Variants in CTNNA3 observed in about 807,000 individuals in gnomAD.
CTNNA3 encodes the protein catenin alpha-3.
CTNNA3 carries 76 observed loss-of-function variants against 95.7 expected under a neutral mutation model. That is an observed-to-expected ratio of 0.79 (90% CI 0.66 to 0.96). CTNNA3 has a LOEUF of 0.96. CTNNA3 is among the 40% of genes least tolerant of loss of function. The pLI is 0.00. For missense variants in CTNNA3, 1,191 were observed against 1,089.8 expected (o/e 1.09, Z -1.31); for synonymous variants, 431 against 374.4 (o/e 1.15, Z -1.74).
chr10:66,769,231 T>C (rs549078656), intron 8 of CTNNA3, among the ~76,000 whole-genome samples: 2 of 152,354 alleles, frequency 1.3e-5, no homozygotes, highest in African/African-American at 2.4e-5. Flanking sequence ...ACTTTTGTCA[T>C]CTTTTCGTCC....
chr10:66,420,830 TAAATAAATA>T (rs879294500), intron 11 of CTNNA3, among the ~76,000 whole-genome samples: 3,293 of 81,154 alleles, frequency 0.041, 115 homozygotes, highest in African/African-American at 0.12. Flanking sequence ...AATAAATAAA[TAAATAAATA>T]AAAAACAATA....
At chr10:66,744,977 A>G (rs4433471) in intron 9 of CTNNA3, among the ~76,000 whole-genome samples, 1 of 152,052 alleles carries the variant, frequency 6.6e-6, no homozygotes, top group African/African-American at 2.4e-5. Context: ...TGTTTTAACT[A>G]CACTAACACA....
chr10:65,921,609 G>A (rs565871891), intron 17 of CTNNA3, among the ~76,000 whole-genome samples: 36 of 152,314 alleles, frequency 2.4e-4, no homozygotes, highest in Non-Finnish European at 4.6e-4. Flanking sequence ...ACTTCCACTG[G>A]TGTGGATCTC....
intron 9 of CTNNA3, among the ~76,000 whole-genome samples, chr10:66,644,857 A>G (rs1201366183): frequency 6.6e-6 from 1 of 152,106 alleles, no homozygotes; most frequent in East Asian, 1.9e-4. Context: ...CCCACACCAC[A>G]AGAGTATTCA....
intron 9 of CTNNA3, among the ~76,000 whole-genome samples, chr10:66,705,213 G>C (rs139947562): frequency 3.3e-5 from 5 of 151,868 alleles, no homozygotes; most frequent in African/African-American, 1.2e-4. Context: ...AGGATAAATC[G>C]TATTTCATTA....
intron 7 of CTNNA3, among the ~76,000 whole-genome samples, chr10:67,071,112 T>C (rs1325689584): frequency 6.6e-6 from 1 of 152,202 alleles, no homozygotes; most frequent in African/African-American, 2.4e-5. Context: ...TCTGTATGTA[T>C]TTTAAATTTC....
chr10:66,484,833 A>C (rs1250493398), intron 11 of CTNNA3, among the ~76,000 whole-genome samples: 1 of 152,094 alleles, frequency 6.6e-6, no homozygotes, highest in Non-Finnish European at 1.5e-5. Flanking sequence ...AATCCTCAAC[A>C]AAATACTAGT....
chr10:67,205,534 G>A (rs1050966663), intron 6 of CTNNA3, among the ~76,000 whole-genome samples: 12 of 152,020 alleles, frequency 7.9e-5, no homozygotes, highest in Non-Finnish European at 1.6e-4. Context: ...ATCCTTCAAG[G>A]CCTAGCTCAA....
At chr10:67,146,847 C>A (rs900416272) in intron 7 of CTNNA3, among the ~76,000 whole-genome samples, 1 of 152,108 alleles carries the variant, frequency 6.6e-6, no homozygotes, top group African/African-American at 2.4e-5. Context: ...ATTATAATAA[C>A]ATTTTTACTG....
chr10:66,672,518 G>C (rs1221226194), intron 9 of CTNNA3, among the ~76,000 whole-genome samples: 3 of 151,976 alleles, frequency 2.0e-5, no homozygotes, highest in African/African-American at 4.8e-5. Flanking sequence ...ATGCTTTGGG[G>C]GTTATGTATC....
intron 8 of CTNNA3, among the ~76,000 whole-genome samples, chr10:66,772,999 G>T (rs1035666760): frequency 6.6e-6 from 1 of 152,224 alleles, no homozygotes; most frequent in Non-Finnish European, 1.5e-5. Flanking sequence ...TATGTGAGAT[G>T]CTTACAACAA....
At chr10:67,153,136 C>T (rs1287842713) in intron 7 of CTNNA3, among the ~76,000 whole-genome samples, 4 of 152,084 alleles carry the variant, frequency 2.6e-5, no homozygotes, top group Non-Finnish European at 5.9e-5. Flanking sequence ...CCACCACACC[C>T]AGCTAATTTT....
intron 9 of CTNNA3, among the ~76,000 whole-genome samples, chr10:66,759,432 GTTGTTGTCCACA>G (rs1176743911): frequency 1.3e-5 from 2 of 152,088 alleles, no homozygotes; most frequent in African/African-American, 4.8e-5. Context: ...AATAAATCAC[GTTGTTGTCCACA>G]TTTCAAGATT....
At position 66,256,362 on chromosome 10, in the gene CTNNA3, T is replaced by C. The variant is rs117147211; in HGVS notation, c.1884+24108A>G. Among the ~76,000 whole-genome samples the C allele has an allele frequency of 2.7e-3, 407 of 152,196 alleles. 2 individuals carry two copies. The highest frequency in any genetic ancestry group is 5.5e-3 in the Admixed American group (84 of 15,276). Reference sequence around the variant, plus strand: ...AAAAATTAGAGGAAGACCCACAAACTCCTTTTCCTACTTTATTAAATGCAG... The same window carrying C: ...AAAAATTAGAGGAAGACCCACAAACCCCTTTTCCTACTTTATTAAATGCAG... On this transcript the variant is annotated intron_variant, in intron 13 of 17. Transcript: ENST00000433211.
intron 11 of CTNNA3, among the ~76,000 whole-genome samples, chr10:66,432,000 C>T (rs1315144814): frequency 6.6e-6 from 1 of 151,070 alleles, no homozygotes; most frequent in Non-Finnish European, 1.5e-5. Context: ...AAAACTAGTA[C>T]AATATTAAAT....
intron 15 of CTNNA3, among the ~76,000 whole-genome samples, chr10:66,012,899 A>G (rs1263836794): frequency 6.6e-6 from 1 of 152,190 alleles, no homozygotes; most frequent in Non-Finnish European, 1.5e-5. Context: ...GGAACAACAC[A>G]GAATCCACTG....
chr10:66,691,510 T>TA (rs925477085), intron 9 of CTNNA3, among the ~76,000 whole-genome samples: 7 of 152,160 alleles, frequency 4.6e-5, no homozygotes, highest in African/African-American at 1.7e-4. Context: ...CCTGCCTCTG[T>TA]AGGCTCCACC....
chr10:66,658,392 A>G (rs1440093958), intron 9 of CTNNA3, among the ~76,000 whole-genome samples: 1 of 152,212 alleles, frequency 6.6e-6, no homozygotes, highest in African/African-American at 2.4e-5. Flanking sequence ...ATAAATAAAA[A>G]TTTAAGTGAT....
rs572103162 is a variant in CTNNA3, at chr10:66,422,628, A to G, written c.1532-43276T>C. On this transcript the variant is annotated intron_variant, in intron 11 of 17. Transcript: ENST00000433211. The stretch of plus-strand genomic sequence containing the variant: ...ACCCCCTCTTCTGGCATGCAACTGT[A>G]GGATGAATTGGTTCTAGAGAAATGC... Among the ~76,000 whole-genome samples, 8 of 152,266 alleles carry G rather than the reference A, an allele frequency of 5.3e-5. No homozygotes were observed. In the South Asian group the frequency reaches 1.7e-3, roughly 32 times the overall value.
Sources: allele counts gnomAD v4.1 joint callset (sites outside exome capture counted in the v4.1 genomes callset), GRCh38; gene constraint gnomAD v4.1.1; transcripts MANE v1.5; gene names NCBI Gene and HGNC (gene_info 2026-07-23, HGNC 2026-07-21).